The following FGF13 variants were observed in gnomAD, a reference collection of about 807,000 sequenced individuals.
FGF13 encodes the protein fibroblast growth factor 13, also known as fibroblast growth factor homologous factor 2.
A neutral mutation model predicts 19.5 loss-of-function variants in FGF13; 2 were observed. The ratio of observed to expected loss-of-function variants is 0.10; its 90% CI spans 0.04 to 0.32. The LOEUF (loss-of-function observed/expected upper bound fraction) is 0.32, where lower values mean the gene tolerates loss of function less well. Ranked by LOEUF, FGF13 falls within the 10% of genes least tolerant of loss-of-function variation. The pLI is 1.00. For synonymous variants in FGF13, 72 were observed against 76.9 expected, an observed-to-expected ratio of 0.94 and a Z score of 0.33; for missense variants, 113 against 192.7, an observed-to-expected ratio of 0.59 and a Z score of 2.45.
intron 1 of FGF13, among the ~76,000 whole-genome samples, chrX:138,911,916 C>A (rs2091590038): frequency 8.9e-6 from 1 of 112,033 alleles, no homozygotes; most frequent in African/African-American, 3.2e-5. Context: ...ATGTCCAATA[C>A]ATATCGTAAC....
At chrX:138,751,975 C>T (rs1413707573) in intron 3 of FGF13, among the ~76,000 whole-genome samples, 3 of 111,743 alleles carry the variant, frequency 2.7e-5, no homozygotes, top group Non-Finnish European at 3.8e-5. Flanking sequence ...ATATGGATAG[C>T]AGAACCTACT....
In FGF13 at chrX:138,626,465, T is replaced by A. The variant is rs886806844; in HGVS notation, c.*6385A>T. 1.8e-5 allele frequency: 2 copies of A among 112,369 alleles called. No individual in the cohort carries two copies. Among genetic ancestry groups the A allele is most frequent in the Admixed American group, 9.4e-5 (1 of 10,598 alleles). 9.3% of individuals were successfully genotyped at this position (112,369 alleles called of 1,213,427 possible). A position where few individuals can be genotyped will look rare whatever the true frequency, so the allele number is the denominator to read the frequency against. The stretch of plus-strand genomic sequence containing the variant: ...TGAAACATTAACTCTTCTTTGAAAA[T>A]GTTTAAATTTCCCTAATCAAAAATT... On this transcript the variant is annotated 3_prime_UTR_variant, in exon 5 of 5. Coordinates refer to ENST00000315930, the MANE Select transcript of FGF13 (RefSeq NM_004114.5).
At chrX:138,819,500 A>G (rs1253365033) in intron 3 of FGF13, among the ~76,000 whole-genome samples, 2 of 111,667 alleles carry the variant, frequency 1.8e-5, no homozygotes, top group East Asian at 5.7e-4. Context: ...AAGCCTCCAG[A>G]TCCTTCTCTG....
chrX:139,040,696 A>C (rs944734054), intron 1 of FGF13, among the ~76,000 whole-genome samples: 16 of 111,233 alleles, frequency 1.4e-4, no homozygotes, highest in Non-Finnish European at 2.4e-4. Flanking sequence ...TAATCCTATT[A>C]CTAGGTATAC....
At chrX:139,028,402 T>G (rs2092209014) in intron 1 of FGF13, among the ~76,000 whole-genome samples, 1 of 110,989 alleles carries the variant, frequency 9.0e-6, no homozygotes, top group Non-Finnish European at 1.9e-5. Flanking sequence ...ATTTCAATTG[T>G]ATGGAATGCC....
intron 3 of FGF13, among the ~76,000 whole-genome samples, chrX:138,752,934 TTGA>T (rs2090407859): frequency 8.9e-6 from 1 of 112,515 alleles, no homozygotes; most frequent in Non-Finnish European, 1.9e-5. Context: ...CTCATTTTTA[TTGA>T]TGATGAATTT....
At chrX:138,987,077 AGC>A (rs2091997434) in intron 1 of FGF13, among the ~76,000 whole-genome samples, 1 of 112,244 alleles carries the variant, frequency 8.9e-6, no homozygotes, top group South Asian at 3.7e-4. Context: ...TAAATGGCCC[AGC>A]CACACTTCAG....
intron 3 of FGF13, among the ~76,000 whole-genome samples, chrX:138,782,033 T>C (rs1286706431): frequency 7.2e-5 from 8 of 111,775 alleles, no homozygotes; most frequent in African/African-American, 2.6e-4. Flanking sequence ...TAATCCAGCA[T>C]ATAAACAGAA....
At chrX:138,747,390 C>T (rs1285630619) in intron 3 of FGF13, among the ~76,000 whole-genome samples, 3 of 111,829 alleles carry the variant, frequency 2.7e-5, no homozygotes, top group African/African-American at 9.7e-5. Context: ...GATTCTCTGA[C>T]TGAAAAGGTC....
chrX:138,759,855 G>A (rs1331423216), intron 3 of FGF13, among the ~76,000 whole-genome samples: 1 of 112,106 alleles, frequency 8.9e-6, no homozygotes, highest in Non-Finnish European at 1.9e-5. Flanking sequence ...TAGGCCTTCT[G>A]TAAATGGCAA....
At chrX:138,874,955 C>T (rs1371614614) in intron 1 of FGF13, among the ~76,000 whole-genome samples, 1 of 111,596 alleles carries the variant, frequency 9.0e-6, no homozygotes, top group African/African-American at 3.3e-5. Context: ...GAAAGTGCAG[C>T]TTGTGACTGG....
intron 1 of FGF13, among the ~76,000 whole-genome samples, chrX:139,128,878 C>T (rs7887172): frequency 0.21 from 23,468 of 109,960 alleles, 2,439 homozygotes; most frequent in African/African-American, 0.4. Context: ...ATAATAATGA[C>T]AATGCTGGTC....
intron 1 of FGF13, among the ~76,000 whole-genome samples, chrX:139,110,180 T>C (rs1569454033): frequency 9.1e-6 from 1 of 110,400 alleles, no homozygotes; most frequent in African/African-American, 3.3e-5. Flanking sequence ...ATTCGTATAC[T>C]ATAAATAGAT....
At chrX:139,056,079 A>C (rs1052758671) in intron 1 of FGF13, among the ~76,000 whole-genome samples, 1 of 112,613 alleles carries the variant, frequency 8.9e-6, no homozygotes, top group African/African-American at 3.2e-5. Flanking sequence ...GAATGAATAT[A>C]AGTGTCTGGG....
At chrX:139,007,144 G>A (rs190121374) in intron 1 of FGF13, among the ~76,000 whole-genome samples, 1 of 110,208 alleles carries the variant, frequency 9.1e-6, no homozygotes, top group Non-Finnish European at 1.9e-5. Context: ...AAAATGAAAG[G>A]ACAGAAAAAG....
chrX:138,647,413 T>C (rs1366574530), intron 3 of FGF13, among the ~76,000 whole-genome samples: 2 of 111,064 alleles, frequency 1.8e-5, no homozygotes, highest in Non-Finnish European at 3.8e-5. Context: ...AGACAACGGT[T>C]TCCTATTTAC....
chrX:138,739,266 C>A lies in FGF13; in HGVS notation c.4G>T (p.Ala2Ser), dbSNP rs180943851. Residue 2 changes from alanine to serine, a missense_variant, in exon 1 of 5, where the codon GCT becomes TCT. Transcript: ENST00000305414. ...CCTGAATACGACTTCCTTAACAAAGCCATGCTTCTTTATAAGCTGGTCCTA... is the reference window on the plus strand; with the variant it reads ...CCTGAATACGACTTCCTTAACAAAGACATGCTTCTTTATAAGCTGGTCCTA... 3.4e-6 allele frequency: 4 copies of A among 1,174,874 alleles called. No individual in the cohort carries two copies. In the Admixed American group the frequency reaches 8.9e-5, roughly 26 times the overall value.
intron 1 of FGF13, among the ~76,000 whole-genome samples, chrX:138,969,832 T>C (rs2628613): frequency 0.05 from 5,592 of 111,830 alleles, 148 homozygotes; most frequent in East Asian, 0.17. Context: ...TTGTCGTTTG[T>C]TGGCAGGCAA....
At chrX:139,071,958 G>A (rs1177695734) in intron 1 of FGF13, among the ~76,000 whole-genome samples, 1 of 89,457 alleles carries the variant, frequency 1.1e-5, no homozygotes, top group Non-Finnish European at 2.1e-5. Flanking sequence ...GGAGGTTGCA[G>A]TGAACCGAGA....
Sources: gnomAD v4.1 joint callset for allele counts (sites outside exome capture counted in the v4.1 genomes callset) on GRCh38, gnomAD v4.1.1 for gene constraint, MANE v1.5 for transcripts, NCBI Gene and HGNC (gene_info 2026-07-23, HGNC 2026-07-21) for gene names.